DNMT3A: variants seen among roughly 807,000 people sequenced by gnomAD.
DNMT3A encodes the protein DNA (cytosine-5)-methyltransferase 3A.
DNMT3A carries 267 observed loss-of-function variants against 117.6 expected under a neutral mutation model. The ratio of observed to expected loss-of-function variants is 2.27; its 90% CI spans 2.05 to 2.51. The LOEUF (loss-of-function observed/expected upper bound fraction) is 2.51. DNMT3A is among the 30% of genes most tolerant of loss of function. DNMT3A has a pLI of 0.00. For missense variants in DNMT3A, 1,029 were observed against 1,260.2 expected (o/e 0.82, Z 2.78); for synonymous variants, 432 against 474.8 (o/e 0.91, Z 1.17).
intron 3 of DNMT3A, among the ~76,000 whole-genome samples, chr2:25,291,111 G>A (rs1236202488): frequency 1.3e-5 from 2 of 152,152 alleles, no homozygotes; most frequent in East Asian, 1.9e-4. Context: ...AGGAAGCTGC[G>A]TGATGCCAAC....
At chr2:25,331,278 G>A (rs965974002) in intron 1 of DNMT3A, among the ~76,000 whole-genome samples, 1 of 152,234 alleles carries the variant, frequency 6.6e-6, no homozygotes, top group African/African-American at 2.4e-5. Flanking sequence ...TAAATTCAAT[G>A]ATGCTGACAT....
intron 6 of DNMT3A, among the ~76,000 whole-genome samples, chr2:25,264,015 AT>A (rs2029930852): frequency 6.6e-6 from 1 of 151,784 alleles, no homozygotes; most frequent in Admixed American, 6.6e-5. Flanking sequence ...TTGCCTTTAA[AT>A]TTGCTTCCTT....
chr2:25,270,351 A>G (rs1195107508), intron 6 of DNMT3A, among the ~76,000 whole-genome samples: 1 of 152,210 alleles, frequency 6.6e-6, no homozygotes, highest in Non-Finnish European at 1.5e-5. Context: ...TGCAGGTGCT[A>G]TGAGCCCTCA....
At chr2:25,274,856 A>G in intron 6 of DNMT3A, 85 bp downstream of exon 6, 1 of 1,532,242 alleles carries the variant, frequency 6.5e-7, no homozygotes, top group Non-Finnish European at 8.8e-7. Flanking sequence ...TCTAAGGGTT[A>G]GCCTGAAGGG....
Position 25,281,542 on chromosome 2 carries a change from A to G in DNMT3A, c.448+899T>C. ...CAAAATAAGTTACGCCAATTAATCA[A>G]TTTACTCATTTCATCATACACGCTT... On this transcript the variant is annotated intron_variant, in intron 4 of 22. Coordinates refer to ENST00000321117, the MANE Select transcript of DNMT3A (RefSeq NM_022552.5). The surrounding 1 kb of genome is among the most constrained non-coding windows in gnomAD (Gnocchi z 4.8). 2.8e-6 allele frequency: 3 copies of G among 1,061,414 alleles called. No individual in the cohort carries two copies. Among genetic ancestry groups the G allele is most frequent in the East Asian group, 5.1e-5 (1 of 19,702 alleles). 65.7% of individuals were successfully genotyped at this position (1,061,414 alleles called of 1,614,324 possible). A position where few individuals can be genotyped will look rare whatever the true frequency, so the allele number is the denominator to read the frequency against.
rs1211863553 is a variant in DNMT3A, at chr2:25,339,009, T to C, written c.-178+2817A>G. 6.6e-6 allele frequency among the ~76,000 whole-genome samples: 1 copy of C among 152,096 alleles called. No individual in the cohort carries two copies. The highest frequency in any genetic ancestry group is 1.5e-5 in the Non-Finnish European group (1 of 68,020). On this transcript the variant is annotated intron_variant, in intron 1 of 22. Coordinates refer to ENST00000321117, the MANE Select transcript of DNMT3A (RefSeq NM_022552.5). The surrounding 1 kb of genome is among the most constrained non-coding windows in gnomAD (Gnocchi z 4.9). Reference sequence around the variant, plus strand: ...AGGAGGCTGTACTTTTTACACCCTCTGCAGAGTCGGACGTGACCAACCCGT... The same window carrying C: ...AGGAGGCTGTACTTTTTACACCCTCCGCAGAGTCGGACGTGACCAACCCGT...
intron 17 of DNMT3A, 79 bp downstream of exon 17, chr2:25,241,483 G>T: frequency 2.0e-6 from 3 of 1,518,784 alleles, no homozygotes; most frequent in Non-Finnish European, 2.6e-6. Context: ...TGAACAAAAT[G>T]AAAGGAGGCA....
rs1013187531 is a variant in DNMT3A, at chr2:25,234,953, G to A, written c.2598-533C>T. 1.3e-5 allele frequency among the ~76,000 whole-genome samples: 2 copies of A among 152,118 alleles called. No individual in the cohort carries two copies. Among genetic ancestry groups the A allele is most frequent in the African/African-American group, 4.8e-5 (2 of 41,422 alleles). ...TTTGTGTAAATGGTCTCTTTGTCTG[G>A]CTAAATCCTAGTTACACTCAGAGAA... On this transcript the variant is annotated intron_variant, in intron 22 of 22. Transcript: ENST00000321117. This position sits in a 1 kb window ranked among gnomAD's most constrained non-coding sequence, Gnocchi z 4.5.
At chr2:25,251,728 G>T (rs1675589050) in intron 6 of DNMT3A, among the ~76,000 whole-genome samples, 2 of 152,216 alleles carry the variant, frequency 1.3e-5, no homozygotes, top group Non-Finnish European at 2.9e-5. Flanking sequence ...CCAGGAACTC[G>T]CAGGAGAGGA....
Position 25,247,693 on chromosome 2 carries a change from GGAGAA to G in DNMT3A, c.907_911del (p.Phe303LeufsTer19). Reference sequence around the variant, plus strand: ...AAGACACAATGCGGCCTGGCCACCAGGAGAAGCCCCGCAGTTTCCCCCACACCAGC... The same window carrying G: ...AAGACACAATGCGGCCTGGCCACCAGGCCCCGCAGTTTCCCCCACACCAGC... On this transcript the variant is annotated frameshift_variant, in exon 8 of 23. Coordinates refer to ENST00000321117, the MANE Select transcript of DNMT3A (RefSeq NM_022552.5). LOFTEE classifies it high-confidence loss of function. The surrounding 1 kb of genome is among the most constrained non-coding windows in gnomAD (Gnocchi z 5.6). The G allele has an allele frequency of 6.2e-7, 1 of 1,613,568 alleles. No individual in the cohort carries two copies. Among genetic ancestry groups the G allele is most frequent in the Non-Finnish European group, 8.5e-7 (1 of 1,179,970 alleles).
chr2:25,301,342 G>A (rs776821262), intron 2 of DNMT3A, among the ~76,000 whole-genome samples: 3 of 152,088 alleles, frequency 2.0e-5, no homozygotes, highest in Non-Finnish European at 2.9e-5. Context: ...GGCAATACTC[G>A]AAATGGACAA....
At chr2:25,330,111 C>T (rs908873812) in intron 1 of DNMT3A, among the ~76,000 whole-genome samples, 3 of 152,326 alleles carry the variant, frequency 2.0e-5, no homozygotes, top group African/African-American at 7.2e-5. Context: ...AAAATTAATA[C>T]CAATTACAAA....
In DNMT3A at chr2:25,247,802, C is replaced by A; in HGVS notation, c.856-53G>T. 6.3e-7 allele frequency: 1 copy of A among 1,592,034 alleles called. No individual in the cohort carries two copies. Among genetic ancestry groups the A allele is most frequent in the Non-Finnish European group, 8.5e-7 (1 of 1,173,026 alleles). ...ACACAGTGGTCACGAGGCCCTGCCACCCTGATCCCCCCATGGCAACCCCAG... is the reference window on the plus strand; with the variant it reads ...ACACAGTGGTCACGAGGCCCTGCCAACCTGATCCCCCCATGGCAACCCCAG... On this transcript the variant is annotated intron_variant, in intron 7 of 22. Transcript: ENST00000321117. This position sits in a 1 kb window ranked among gnomAD's most constrained non-coding sequence, Gnocchi z 5.6.
At chr2:25,242,199 T>C (rs1317430441) in intron 16 of DNMT3A, among the ~76,000 whole-genome samples, 1 of 151,886 alleles carries the variant, frequency 6.6e-6, no homozygotes, top group Non-Finnish European at 1.5e-5. Flanking sequence ...GCTCTGTGCA[T>C]CCCTTGCCTC....
At chr2:25,249,870 C>T in intron 6 of DNMT3A, 2 of 900,466 alleles carry the variant, frequency 2.2e-6, no homozygotes, top group Non-Finnish European at 3.5e-6. Context: ...CCATTTTCTA[C>T]ATGCCTTTCA....
rs567218810 is a variant in DNMT3A at position 25,285,448 on chromosome 2, G to A, written c.178-2737C>T. On this transcript the variant is annotated intron_variant, in intron 3 of 22. Transcript: ENST00000321117. ...GGGAGCAGCCGGAGAGGGAGCAGAA[G>A]GAACTGCAGGGCCTGCCAAGCTCCT... Among the ~76,000 whole-genome samples the A allele has an allele frequency of 2.9e-3, 441 of 152,370 alleles. 2 individuals are homozygous for A. The highest frequency in any genetic ancestry group is 3.7e-3 in the South Asian group (18 of 4,824).
chr2:25,240,411 A>G lies in DNMT3A; in HGVS notation c.2213T>C (p.Leu738Pro). 6.2e-7 allele frequency: 1 copy of G among 1,613,268 alleles called. No individual in the cohort carries two copies. The highest frequency in any genetic ancestry group is 8.5e-7 in the Non-Finnish European group (1 of 1,179,602). ...TCCCTCCTTGGGCCGCGCATCATGCAGGAGGCGGTAGAACTCAAAGAAGAG... is the reference window on the plus strand; with the variant it reads ...TCCCTCCTTGGGCCGCGCATCATGCGGGAGGCGGTAGAACTCAAAGAAGAG... The part of the protein sequence containing the change: ...GRLFFEFYRL[L>P]HDARPKEGDD... The change falls in exon 19 of 23, where the codon CTG (leucine) becomes CCG (proline). Residue 738 changes from leucine (L) to proline (P), a missense_variant. Physicochemically the swap from Leu to Pro is moderately conservative, Grantham distance 98 (BLOSUM62 -3). Transcript: ENST00000321117.
chr2:25,302,943 C>T (rs900063643), intron 2 of DNMT3A, among the ~76,000 whole-genome samples: 2 of 152,202 alleles, frequency 1.3e-5, no homozygotes, highest in African/African-American at 2.4e-5. Flanking sequence ...AGCAGCCTCT[C>T]GGAGCCTCAG....
chr2:25,297,731 A>G (rs929624690), intron 3 of DNMT3A, among the ~76,000 whole-genome samples: 10 of 152,074 alleles, frequency 6.6e-5, no homozygotes, highest in Non-Finnish European at 8.8e-5. Flanking sequence ...GCTGGTCTCA[A>G]ACTCCTGACC....
Sources: gnomAD v4.1 joint callset for allele counts (sites outside exome capture counted in the v4.1 genomes callset) on GRCh38, gnomAD v4.1.1 for gene constraint, Gnocchi (gnomAD v3.1) non-coding constraint, MANE v1.5 for transcripts, NCBI Gene and HGNC (gene_info 2026-07-23, HGNC 2026-07-21) for gene names.